RBBP8: variants seen among roughly 807,000 people sequenced by gnomAD.
RBBP8 encodes the protein RB binding protein 8, endonuclease.
RBBP8 carries 88 observed loss-of-function variants against 108.3 expected under a neutral mutation model. That is an observed-to-expected ratio of 0.81 (90% CI 0.68 to 0.97). The LOEUF is 0.97. Ranked by LOEUF, RBBP8 falls within the 50% of genes least tolerant of loss-of-function variation. The pLI is 0.00. For missense variants in RBBP8, 1,023 were observed against 1,049.0 expected (o/e 0.98, Z 0.34); for synonymous variants, 332 against 348.2 (o/e 0.95, Z 0.52).
intron 18 of RBBP8, among the ~76,000 whole-genome samples, chr18:23,022,715 G>A (rs1568010805): frequency 6.6e-6 from 1 of 150,478 alleles, no homozygotes. Context: ...TTTTTTCTGT[G>A]ATTCTCTTTA....
intron 3 of RBBP8, among the ~76,000 whole-genome samples, chr18:22,918,850 C>A (rs1247474054): frequency 6.6e-6 from 1 of 152,068 alleles, no homozygotes; most frequent in African/African-American, 2.4e-5. Context: ...TAGCCTCAAG[C>A]AATCTTCCCA....
chr18:22,939,165 C>G (rs1956538841), intron 2 of RBBP8, among the ~76,000 whole-genome samples: 1 of 152,086 alleles, frequency 6.6e-6, no homozygotes, highest in African/African-American at 2.4e-5. Context: ...ACTATTAAAA[C>G]ATAATCAACC....
intron 3 of RBBP8, among the ~76,000 whole-genome samples, chr18:22,947,273 C>T (rs1026533963): frequency 6.6e-6 from 1 of 151,850 alleles, no homozygotes; most frequent in Non-Finnish European, 1.5e-5. Context: ...CTTTTGATTC[C>T]TTATCACAAA....
chr18:23,022,651 T>TAAAATAAAATAAAATAAA (rs370599195), intron 18 of RBBP8, among the ~76,000 whole-genome samples: 2 of 84,368 alleles, frequency 2.4e-5, no homozygotes, highest in African/African-American at 5.7e-5. Context: ...TAAAATACAA[T>TAAAATAAAATAAAATAAA]ATAAAATAAA....
chr18:22,993,101 G>A lies in RBBP8; in HGVS notation c.1274G>A (p.Gly425Asp). 3 of 1,613,982 alleles carry A rather than the reference G, an allele frequency of 1.9e-6. No individual in the cohort carries two copies. The highest frequency in any genetic ancestry group is 2.5e-6 in the Non-Finnish European group (3 of 1,179,926). ...GGTGAACAGAATAGGACTGAGTACG[G>A]TAAAGATTCTAACACTGATAAACAT... is the stretch of plus-strand genomic sequence containing the variant. Reference protein sequence around the residue: ...SLGEQNRTEYGKDSNTDKHLE... With the variant: ...SLGEQNRTEYDKDSNTDKHLE... The change falls in exon 11 of 19, where the codon GGT becomes GAT. Residue 425 changes from glycine (G) to aspartate (D), a missense_variant. Gly to Asp is a moderately conservative substitution (Grantham distance 94). Coordinates refer to ENST00000327155, the MANE Select transcript of RBBP8 (RefSeq NM_002894.3).
chr18:22,939,718 T>C (rs1910895765), intron 2 of RBBP8, among the ~76,000 whole-genome samples: 1 of 152,218 alleles, frequency 6.6e-6, no homozygotes, highest in African/African-American at 2.4e-5. Flanking sequence ...ACCTTGTGAA[T>C]AAGAATAAAT....
intron 18 of RBBP8, 46 bp downstream of exon 18, chr18:23,022,316 C>T (rs2144848767): frequency 6.5e-7 from 1 of 1,549,388 alleles, no homozygotes; most frequent in Non-Finnish European, 8.9e-7. Flanking sequence ...TTTTTAAATA[C>T]TTGGCCGGGC....
chr18:22,996,710 G>A (rs1252788569), intron 13 of RBBP8, among the ~76,000 whole-genome samples: 1 of 152,172 alleles, frequency 6.6e-6, no homozygotes, highest in Non-Finnish European at 1.5e-5. Context: ...TTAAAAGAAT[G>A]CAGTGGGCAG....
chr18:23,026,203 CA>C lies in RBBP8; in HGVS notation c.2659del (p.Ile887TyrfsTer14), dbSNP rs766829125. The part of the protein sequence containing the change: ...PRPKRRQPYN[A>X]IFSPKGKEQK... ...CCAAAAAGACGTCAGCCTTACAACG[CA>C]ATATTTTCTCCAAAAGGCAAGGAGC... On this transcript the variant is annotated frameshift_variant, in exon 19 of 19. Coordinates refer to ENST00000327155, the MANE Select transcript of RBBP8 (RefSeq NM_002894.3). LOFTEE classifies it high-confidence loss of function. 4 of 1,613,794 alleles carry C rather than the reference CA, an allele frequency of 2.5e-6. 1 individual carries two copies. The South Asian group carries it at 4.4e-5, about 18-fold the overall frequency.
At chr18:22,968,273 G>C (rs377024567) in intron 4 of RBBP8, among the ~76,000 whole-genome samples, 1 of 151,808 alleles carries the variant, frequency 6.6e-6, no homozygotes, top group Non-Finnish European at 1.5e-5. Context: ...GGTGTTTACT[G>C]TATTGGCCAG....
chr18:22,917,828 G>A (rs913817754), intron 3 of RBBP8, among the ~76,000 whole-genome samples: 13 of 151,786 alleles, frequency 8.6e-5, no homozygotes, highest in South Asian at 2.1e-4. Context: ...ATGAAATCCC[G>A]TCTCTACTAA....
At chr18:22,944,675 G>A (rs1232351882) in intron 2 of RBBP8, among the ~76,000 whole-genome samples, 3 of 152,048 alleles carry the variant, frequency 2.0e-5, no homozygotes, top group African/African-American at 7.2e-5. Context: ...AAATTATAGA[G>A]CATAGAATCG....
At chr18:22,972,826 A>G (rs1160618978) in intron 5 of RBBP8, among the ~76,000 whole-genome samples, 2 of 152,158 alleles carry the variant, frequency 1.3e-5, no homozygotes, top group Non-Finnish European at 2.9e-5. Flanking sequence ...TTTTTAAAAA[A>G]TTACCTTTAA....
intron 4 of RBBP8, among the ~76,000 whole-genome samples, chr18:22,958,142 T>C (rs1312072119): frequency 3.3e-5 from 5 of 152,224 alleles, no homozygotes; most frequent in Admixed American, 2.0e-4. Flanking sequence ...ATGGTCAAGG[T>C]TGACAATAGT....
chr18:22,961,674 T>G (rs949588782), intron 4 of RBBP8, among the ~76,000 whole-genome samples: 19 of 152,216 alleles, frequency 1.2e-4, no homozygotes, highest in African/African-American at 4.3e-4. Flanking sequence ...TTGACTTTTA[T>G]TTTTTAAGCT....
At chr18:22,970,121 TC>T (rs2089435927) in intron 5 of RBBP8, among the ~76,000 whole-genome samples, 1 of 152,206 alleles carries the variant, frequency 6.6e-6, no homozygotes, top group African/African-American at 2.4e-5. Flanking sequence ...CCAAATGCAG[TC>T]TCTACGCATC....
intron 4 of RBBP8, among the ~76,000 whole-genome samples, chr18:22,952,943 G>C (rs1177499258): frequency 6.6e-6 from 1 of 152,174 alleles, no homozygotes; most frequent in Non-Finnish European, 1.5e-5. Flanking sequence ...AATGCTTTTT[G>C]TTCCATCATT....
chr18:23,003,080 T>A (rs186179070), intron 15 of RBBP8, among the ~76,000 whole-genome samples: 12 of 152,356 alleles, frequency 7.9e-5, no homozygotes, highest in South Asian at 4.1e-4. Context: ...CTCGTTCTTT[T>A]CATTTGTCAC....
intron 6 of RBBP8, among the ~76,000 whole-genome samples, chr18:22,979,279 A>C (rs1914720042): frequency 6.6e-6 from 1 of 152,052 alleles, no homozygotes; most frequent in South Asian, 2.1e-4. Flanking sequence ...ACATAAAATA[A>C]AATTTTAAAT....
Sources: allele counts gnomAD v4.1 joint callset (sites outside exome capture counted in the v4.1 genomes callset), GRCh38; gene constraint gnomAD v4.1.1; transcripts MANE v1.5; gene names NCBI Gene and HGNC (gene_info 2026-07-23, HGNC 2026-07-21).